PACC1: variants seen among roughly 807,000 people sequenced by gnomAD.
The protein encoded by PACC1 is proton-activated chloride channel.
PACC1 carries 34 observed loss-of-function variants against 39.7 expected under a neutral mutation model. That is an observed-to-expected ratio of 0.86 (90% CI 0.65 to 1.14). The LOEUF (loss-of-function observed/expected upper bound fraction) is 1.14, where lower values mean the gene tolerates loss of function less well. Among genes scored for constraint, PACC1 ranks in the 50% most tolerant of loss-of-function variants. The pLI is 0.00. For missense variants in PACC1, 379 were observed against 436.4 expected (o/e 0.87, Z 1.17); for synonymous variants, 127 against 160.6 (o/e 0.79, Z 1.58).
rs745533984 is a variant in PACC1 at position 212,389,383 on chromosome 1, C to T, written c.134-2283G>A. On this transcript the variant is annotated intron_variant, in intron 2 of 7. Coordinates refer to ENST00000261455, the MANE Select transcript of PACC1 (RefSeq NM_018252.3). ...AAGAACTGCATGGAGATTTCAACTA[C>T]GGCTAATGCAGGGGAGATAGGAGTT... 5.4e-4 allele frequency among the ~76,000 whole-genome samples: 82 copies of T among 152,282 alleles called. 1 individual carries two copies. Among genetic ancestry groups the T allele is most frequent in the South Asian group, 2.1e-4 (1 of 4,830 alleles).
chr1:212,369,417 T>C (rs1660362956), intron 7 of PACC1, among the ~76,000 whole-genome samples: 1 of 152,198 alleles, frequency 6.6e-6, no homozygotes, highest in Non-Finnish European at 1.5e-5. Context: ...GCTGAATTTA[T>C]TAAAAAACAA....
At chr1:212,384,676 T>C (rs1661031317) in intron 4 of PACC1, among the ~76,000 whole-genome samples, 1 of 152,234 alleles carries the variant, frequency 6.6e-6, no homozygotes, top group Non-Finnish European at 1.5e-5. Context: ...ACGCCTACCC[T>C]GTCTTTGAAA....
intron 2 of PACC1, among the ~76,000 whole-genome samples, chr1:212,402,740 C>T (rs1268217181): frequency 6.6e-6 from 1 of 152,092 alleles, no homozygotes; most frequent in Non-Finnish European, 1.5e-5. Flanking sequence ...CTACAACCTC[C>T]GCCTCCTAGG....
At chr1:212,387,287 G>C (rs767408387) in intron 2 of PACC1, among the ~76,000 whole-genome samples, 187 bp from the exon 3 acceptor site, 1 of 152,104 alleles carries the variant, frequency 6.6e-6, no homozygotes, top group African/African-American at 2.4e-5. Context: ...CAGCTTCTCT[G>C]CCAGGTAGAG....
chr1:212,413,220 T>C (rs187811469), intron 1 of PACC1, among the ~76,000 whole-genome samples: 8 of 152,296 alleles, frequency 5.3e-5, no homozygotes, highest in East Asian at 1.9e-4. Flanking sequence ...AGGAGAAATA[T>C]AGAAATCTGT....
intron 2 of PACC1, among the ~76,000 whole-genome samples, chr1:212,394,659 G>A (rs1043964427): frequency 3.3e-5 from 5 of 152,210 alleles, no homozygotes; most frequent in Non-Finnish European, 7.3e-5. Flanking sequence ...CCTGTTTGCA[G>A]ATGACATGAC....
intron 4 of PACC1, among the ~76,000 whole-genome samples, chr1:212,382,868 C>A (rs1231725077): frequency 2.0e-5 from 3 of 152,204 alleles, no homozygotes; most frequent in Non-Finnish European, 2.9e-5. Context: ...CCAGAGCACA[C>A]AGGAGTCTCT....
rs375121969 is a variant in PACC1, at chr1:212,394,096, C to T, written c.134-6996G>A. Among the ~76,000 whole-genome samples the T allele has an allele frequency of 3.3e-5, 5 of 152,258 alleles. No individual in the cohort carries two copies. The East Asian group carries it at 9.6e-4, about 29-fold the overall frequency. ...TCCCTAACTCATTTTATGAGGCCAG[C>T]ATCATCCTGATACCAAAGCCTGGCA... On this transcript the variant is annotated intron_variant, in intron 2 of 7. Coordinates refer to ENST00000261455, the MANE Select transcript of PACC1 (RefSeq NM_018252.3).
intron 4 of PACC1, among the ~76,000 whole-genome samples, chr1:212,383,701 G>A (rs1053349204): frequency 1.3e-5 from 2 of 152,130 alleles, no homozygotes; most frequent in Non-Finnish European, 2.9e-5. Flanking sequence ...GTAAATTTCT[G>A]TTTCTCTAAT....
chr1:212,401,885 G>A (rs1427220963), intron 2 of PACC1, among the ~76,000 whole-genome samples: 1 of 152,026 alleles, frequency 6.6e-6, no homozygotes, highest in African/African-American at 2.4e-5. Flanking sequence ...ATGTTGGTCA[G>A]ACTGGTCTTG....
At chr1:212,397,072 T>C (rs1661554902) in intron 2 of PACC1, among the ~76,000 whole-genome samples, 1 of 152,122 alleles carries the variant, frequency 6.6e-6, no homozygotes, top group South Asian at 2.1e-4. Context: ...CTAAACTGCA[T>C]GCTAAGAAAA....
Position 212,386,969 on chromosome 1 carries a change from T to C in PACC1, c.265A>G (p.Ile89Val), listed in dbSNP as rs1661123128. 2.5e-6 allele frequency: 4 copies of C among 1,614,096 alleles called. No homozygotes were observed. The highest frequency in any genetic ancestry group is 1.3e-5 in the African/African-American group (1 of 74,932). ...AVAVFLVYRT[I>V]TDFREKLKHP... The stretch of plus-strand genomic sequence containing the variant: ...TTGAGTTTCTCACGAAAGTCTGTGA[T>C]GGTCCGGTAGACCAGGAAGACGGCC... Residue 89 changes from isoleucine (I) to valine (V), a missense_variant, in exon 3 of 8, where the codon ATC becomes GTC. Coordinates refer to ENST00000261455, the MANE Select transcript of PACC1 (RefSeq NM_018252.3). This position sits in a 1 kb window ranked among gnomAD's most constrained non-coding sequence, Gnocchi z 5.0.
At chr1:212,377,261 T>C (rs1192205330) in intron 6 of PACC1, among the ~76,000 whole-genome samples, 1 of 152,204 alleles carries the variant, frequency 6.6e-6, no homozygotes, top group Non-Finnish European at 1.5e-5. Flanking sequence ...AAAGTGCTGC[T>C]AGATGCAAGA....
At chr1:212,390,135 ATC>A (rs1375638675) in intron 2 of PACC1, among the ~76,000 whole-genome samples, 2 of 152,138 alleles carry the variant, frequency 1.3e-5, no homozygotes, top group Admixed American at 6.5e-5. Context: ...CACAAAAAAT[ATC>A]TGAGGCCGGG....
chr1:212,380,019 G>A lies in PACC1; in HGVS notation c.514C>T (p.Gln172Ter), dbSNP rs1435202221. 6.2e-7 allele frequency: 1 copy of A among 1,614,176 alleles called. No individual in the cohort carries two copies. The highest frequency in any genetic ancestry group is 1.7e-5 in the Admixed American group (1 of 60,030). Residue 172 changes from glutamine to a stop codon, truncating the protein, a stop_gained, in exon 5 of 8, where the codon CAG (glutamine) becomes TAG (stop). Coordinates refer to ENST00000261455, the MANE Select transcript of PACC1 (RefSeq NM_018252.3). LOFTEE classifies it high-confidence loss of function. The stretch of plus-strand genomic sequence containing the variant: ...CGCTTTTTCACTTCCCGGGGCCCCT[G>A]GACAATCAGGGCAGATTTCTGCAGA... ...NQTVKSALIVQGPREVKKREL... is the reference protein window; with the variant it reads ...NQTVKSALIV
chr1:212,372,908 G>T (rs556821236), intron 7 of PACC1, among the ~76,000 whole-genome samples: 1 of 152,078 alleles, frequency 6.6e-6, no homozygotes, highest in Middle Eastern at 3.2e-3. Flanking sequence ...TGGATTGGAA[G>T]AACTAGCATA....
chr1:212,413,192 T>C (rs113424183), intron 1 of PACC1, among the ~76,000 whole-genome samples: 4 of 151,956 alleles, frequency 2.6e-5, no homozygotes, highest in African/African-American at 9.7e-5. Flanking sequence ...AGGAAACAGA[T>C]GGAATAAAGG....
intron 3 of PACC1, 29 bp from the exon 4 acceptor site, chr1:212,385,454 T>A (rs763949081): frequency 6.2e-7 from 1 of 1,613,264 alleles, no homozygotes; most frequent in Non-Finnish European, 8.5e-7. Context: ...AAAGCAAGTG[T>A]CAGAAATCAC....
chr1:212,414,475 C>T (rs1488429610), intron 1 of PACC1, among the ~76,000 whole-genome samples: 3 of 152,116 alleles, frequency 2.0e-5, no homozygotes, highest in Non-Finnish European at 2.9e-5. Context: ...GGGGACCCTA[C>T]TCCGGACCTC....
Sources: gnomAD v4.1 joint callset for allele counts (sites outside exome capture counted in the v4.1 genomes callset) on GRCh38, gnomAD v4.1.1 for gene constraint, Gnocchi (gnomAD v3.1) non-coding constraint, MANE v1.5 for transcripts, NCBI Gene and HGNC (gene_info 2026-07-23, HGNC 2026-07-21) for gene names.